Variants in TMPRSS11F observed in about 807,000 individuals in gnomAD.
TMPRSS11F encodes transmembrane serine protease 11F.
A neutral mutation model predicts 60.2 loss-of-function variants in TMPRSS11F; 47 were observed. The ratio of observed to expected loss-of-function variants is 0.78; its 90% CI spans 0.62 to 1.00. The LOEUF (loss-of-function observed/expected upper bound fraction) is 1.00, where lower values mean the gene tolerates loss of function less well. Among genes scored for constraint, TMPRSS11F ranks in the 50% least tolerant of loss-of-function variants. The pLI is 0.00. For synonymous variants in TMPRSS11F, 166 were observed against 167.3 expected, an observed-to-expected ratio of 0.99 and a Z score of 0.06; for missense variants, 519 against 522.9, an observed-to-expected ratio of 0.99 and a Z score of 0.07.
Position 68,098,926 on chromosome 4 carries a change from C to G in TMPRSS11F, c.124G>C (p.Gly42Arg). 2 of 1,612,514 alleles carry G rather than the reference C, an allele frequency of 1.2e-6. No individual in the cohort carries two copies. Among genetic ancestry groups the G allele is most frequent in the Non-Finnish European group, 1.7e-6 (2 of 1,179,278 alleles). Residue 42 changes from glycine (G) to arginine (R), a missense_variant, in exon 2 of 10, where the codon GGA becomes CGA. Transcript: ENST00000356291. ...TGAGTAACAATACCAATTGCAATTC[C>G]TATGATTGCTACAATTGCTAATGTG... ...LFTLAIVAII[G>R]IAIGIVTHFV...
chr4:68,106,925 C>A (rs1404572972), intron 1 of TMPRSS11F, among the ~76,000 whole-genome samples: 2 of 152,138 alleles, frequency 1.3e-5, no homozygotes, highest in African/African-American at 4.8e-5. Flanking sequence ...AGATCTATCT[C>A]TCTTTATAGC....
chr4:68,080,444 G>GA (rs1408332660), intron 3 of TMPRSS11F: 2 of 152,222 alleles, frequency 1.3e-5, no homozygotes, highest in East Asian at 3.8e-4. Flanking sequence ...CCAGCTTCGA[G>GA]AATTGACTGA....
At chr4:68,064,119 G>A (rs180974385) in intron 8 of TMPRSS11F, among the ~76,000 whole-genome samples, 84 of 145,200 alleles carry the variant, frequency 5.8e-4, no homozygotes, top group African/African-American at 2.1e-3. Flanking sequence ...CTCTCTCCCT[G>A]ACTTTTTTTT....
At position 68,088,048 on chromosome 4, in the gene TMPRSS11F, C is replaced by G. The variant is rs191979959; in HGVS notation, c.282+2475G>C. ...TCCATGTCCCTACAAAGGACATGAA[C>G]TCAGCATTTCTTATGGCTGCTTAGT... On this transcript the variant is annotated intron_variant, in intron 3 of 9. Transcript: ENST00000356291. Among the ~76,000 whole-genome samples, 700 of 151,984 alleles carry G rather than the reference C, an allele frequency of 4.6e-3. 8 individuals are homozygous for G. The highest frequency in any genetic ancestry group is 0.016 in the African/African-American group (680 of 41,406).
intron 3 of TMPRSS11F, among the ~76,000 whole-genome samples, chr4:68,074,214 G>T (rs1277595733): frequency 1.3e-5 from 2 of 152,036 alleles, no homozygotes; most frequent in Admixed American, 1.3e-4. Context: ...CTAAACCTGG[G>T]GTCTAATCTT....
intron 1 of TMPRSS11F, among the ~76,000 whole-genome samples, chr4:68,109,339 T>C (rs1211901833): frequency 1.3e-5 from 2 of 152,110 alleles, no homozygotes; most frequent in African/African-American, 4.8e-5. Flanking sequence ...CTCCCACTGT[T>C]TGGCCAAACC....
intron 1 of TMPRSS11F, among the ~76,000 whole-genome samples, chr4:68,113,072 C>T (rs1724440800): frequency 6.6e-6 from 1 of 151,998 alleles, no homozygotes; most frequent in Non-Finnish European, 1.5e-5. Flanking sequence ...ATGCAAAATT[C>T]ATCAAAAAAG....
chr4:68,106,672 A>T (rs756345923), intron 1 of TMPRSS11F, among the ~76,000 whole-genome samples: 2 of 152,200 alleles, frequency 1.3e-5, no homozygotes, highest in Non-Finnish European at 2.9e-5. Context: ...CTGGTTTGAC[A>T]AAACAGTCAA....
chr4:68,100,611 C>T (rs1724173296), intron 1 of TMPRSS11F, among the ~76,000 whole-genome samples: 1 of 151,932 alleles, frequency 6.6e-6, no homozygotes, highest in South Asian at 2.1e-4. Flanking sequence ...TGACTCCAGG[C>T]AAGATGAGGA....
At chr4:68,088,973 T>G (rs555670828) in intron 3 of TMPRSS11F, among the ~76,000 whole-genome samples, 1 of 152,212 alleles carries the variant, frequency 6.6e-6, no homozygotes, top group South Asian at 2.1e-4. Flanking sequence ...ATGACCATAC[T>G]GCCCAAAGCA....
At chr4:68,112,287 G>A (rs753560640) in intron 1 of TMPRSS11F, among the ~76,000 whole-genome samples, 15 of 151,384 alleles carry the variant, frequency 9.9e-5, no homozygotes, top group South Asian at 2.1e-4. Flanking sequence ...GGGCCCCATC[G>A]GCACTGTTTT....
intron 1 of TMPRSS11F, among the ~76,000 whole-genome samples, chr4:68,116,482 T>TA (rs925412488): frequency 6.3e-4 from 93 of 148,218 alleles, no homozygotes; most frequent in Admixed American, 2.0e-3. Flanking sequence ...TTCACAGAAA[T>TA]AAAAAAAAAA....
chr4:68,082,764 C>G (rs552681474), intron 3 of TMPRSS11F, among the ~76,000 whole-genome samples: 45 of 152,372 alleles, frequency 3.0e-4, no homozygotes, highest in African/African-American at 9.9e-4. Flanking sequence ...GAAGAGCCCC[C>G]ACTCTCAGAA....
At chr4:68,108,336 G>A (rs2109878841) in intron 1 of TMPRSS11F, among the ~76,000 whole-genome samples, 1 of 152,270 alleles carries the variant, frequency 6.6e-6, no homozygotes, top group East Asian at 1.9e-4. Flanking sequence ...TCAAATTAAT[G>A]CTTATATGGA....
chr4:68,119,630 C>A (rs149590089), intron 1 of TMPRSS11F, among the ~76,000 whole-genome samples: 38 of 152,302 alleles, frequency 2.5e-4, no homozygotes, highest in African/African-American at 8.9e-4. Context: ...CATCTGTTTA[C>A]AGCATGGTTT....
intron 8 of TMPRSS11F, among the ~76,000 whole-genome samples, chr4:68,063,832 T>C (rs1381231337): frequency 6.6e-6 from 1 of 152,154 alleles, no homozygotes; most frequent in Non-Finnish European, 1.5e-5. Flanking sequence ...CCAAAAAAAA[T>C]GCTCAAAATA....
intron 1 of TMPRSS11F, among the ~76,000 whole-genome samples, chr4:68,105,270 G>C (rs946258607): frequency 6.6e-6 from 1 of 151,526 alleles, no homozygotes; most frequent in African/African-American, 2.4e-5. Context: ...TTGTTTTGCT[G>C]TATTTTCTTT....
At chr4:68,066,511 C>T (rs1330228870) in intron 7 of TMPRSS11F, among the ~76,000 whole-genome samples, 1 of 152,190 alleles carries the variant, frequency 6.6e-6, no homozygotes, top group Non-Finnish European at 1.5e-5. Context: ...CTCTTTCCAT[C>T]CTTTCAAGAA....
At chr4:68,060,515 C>CAAAAAA (rs71218926) in intron 8 of TMPRSS11F, among the ~76,000 whole-genome samples, 2 of 29,636 alleles carry the variant, frequency 6.7e-5, no homozygotes, top group Non-Finnish European at 1.1e-4. Flanking sequence ...GACTCCAACT[C>CAAAAAA]AAAAAAAAAA....
Sources: gnomAD v4.1 joint callset for allele counts (sites outside exome capture counted in the v4.1 genomes callset) on GRCh38, gnomAD v4.1.1 for gene constraint, MANE v1.5 for transcripts, NCBI Gene and HGNC (gene_info 2026-07-23, HGNC 2026-07-21) for gene names.